The following LEPR variants were observed in gnomAD, a reference collection of about 807,000 sequenced individuals.
LEPR encodes the protein OB receptor.
A neutral mutation model predicts 114.7 loss-of-function variants in LEPR; 56 were observed. The observed-to-expected ratio is 0.49, with a 90% CI of 0.39 to 0.61. The LOEUF is 0.61. Among genes scored for constraint, LEPR ranks in the 20% least tolerant of loss-of-function variants. The pLI, the probability that LEPR is intolerant of heterozygous loss-of-function variation, is 0.00. For synonymous variants in LEPR, 443 were observed against 461.4 expected (o/e 0.96, Z 0.51); for missense variants, 1,202 against 1,352.9 (o/e 0.89, Z 1.75).
At chr1:65,444,391 C>A (rs1462335890) in intron 2 of LEPR, among the ~76,000 whole-genome samples, 1 of 152,104 alleles carries the variant, frequency 6.6e-6, no homozygotes, top group African/African-American at 2.4e-5. Flanking sequence ...GACCCTATTT[C>A]TTTCTGTAGC....
chr1:65,461,758 A>C (rs1646949095), intron 2 of LEPR, among the ~76,000 whole-genome samples: 1 of 152,182 alleles, frequency 6.6e-6, no homozygotes, highest in African/African-American at 2.4e-5. Flanking sequence ...AACTAACTTC[A>C]TAGTGGAAAA....
intron 2 of LEPR, among the ~76,000 whole-genome samples, chr1:65,515,471 T>C (rs1219155107): frequency 6.6e-6 from 1 of 152,206 alleles, no homozygotes; most frequent in African/African-American, 2.4e-5. Flanking sequence ...TCTCTAAACA[T>C]CTCATATTTA....
At position 65,592,809 on chromosome 1, in the gene LEPR, C is replaced by T; in HGVS notation, c.647C>T (p.Thr216Ile). The change falls in exon 6 of 20, where the codon ACA becomes ATA. Residue 216 changes from threonine (T) to isoleucine (I), a missense_variant. Thr to Ile is a moderately conservative substitution (Grantham distance 89). Transcript: ENST00000349533. ...ACTCTCCTTATGTGTTTGAAAATCA[C>T]ATCTGGTGGAGTAATTTTCCAGTCA... ...NDTLLMCLKI[T>I]SGGVIFQSPL... The T allele has an allele frequency of 6.2e-7, 1 of 1,613,298 alleles. No individual in the cohort carries two copies. The highest frequency in any genetic ancestry group is 8.5e-7 in the Non-Finnish European group (1 of 1,179,424).
At chr1:65,496,865 G>T (rs1297295339) in intron 2 of LEPR, among the ~76,000 whole-genome samples, 1 of 152,096 alleles carries the variant, frequency 6.6e-6, no homozygotes, top group Non-Finnish European at 1.5e-5. Flanking sequence ...CCTGGGAGCT[G>T]CTTAGAAATG....
intron 2 of LEPR, chr1:65,433,618 C>T (rs772539970): frequency 1.1e-4 from 106 of 985,174 alleles, no homozygotes; most frequent in Non-Finnish European, 1.2e-4. Flanking sequence ...TAATGTGCAA[C>T]GTTATTTTTT....
At position 65,570,745 on chromosome 1, in the gene LEPR, A is replaced by G; in HGVS notation, c.313A>G (p.Asn105Asp). ...TAGAAACTGCTCCTTATGTGCAGAC[A>G]ACATTGAAGGAAAGACATTTGTTTC... The part of the protein sequence containing the change: ...QDRNCSLCAD[N>D]IEGKTFVSTV... The change falls in exon 4 of 20, where the codon AAC (asparagine) becomes GAC (aspartate). Residue 105 changes from asparagine to aspartate, a missense_variant. Coordinates refer to ENST00000349533, the MANE Select transcript of LEPR (RefSeq NM_002303.6). 1 of 1,592,444 alleles carries G rather than the reference A, an allele frequency of 6.3e-7. No individual in the cohort carries two copies. Among genetic ancestry groups the G allele is most frequent in the Non-Finnish European group, 8.6e-7 (1 of 1,167,614 alleles).
intron 11 of LEPR, 142 bp downstream of exon 11, chr1:65,605,379 A>C: frequency 9.6e-7 from 1 of 1,037,188 alleles, no homozygotes; most frequent in East Asian, 2.5e-5. Flanking sequence ...GGTATTGAGA[A>C]AATCAGCCTT....
chr1:65,633,459 C>T lies in LEPR; in HGVS notation c.2674-2732C>T. 1 of 1,229,592 alleles carries T rather than the reference C, an allele frequency of 8.1e-7. No individual in the cohort carries two copies. The highest frequency in any genetic ancestry group is 1.0e-6 in the Non-Finnish European group (1 of 984,180). The allele number at this position is 1,229,592 out of a possible 1,614,324, so 76.2% of individuals were successfully genotyped here. On this transcript the variant is annotated intron_variant, in intron 19 of 19. Coordinates refer to ENST00000349533, the MANE Select transcript of LEPR (RefSeq NM_002303.6). The surrounding 1 kb of genome is among the most constrained non-coding windows in gnomAD (Gnocchi z 4.1). ...TTTCTGGCTTTTGATTTGTCATATTCCTGGTCATAAAACATTAAGAAAATT... is the reference window on the plus strand; with the variant it reads ...TTTCTGGCTTTTGATTTGTCATATTTCTGGTCATAAAACATTAAGAAAATT...
Position 65,588,223 on chromosome 1 carries a change from G to T in LEPR, c.495-4434G>T, listed in dbSNP as rs575445148. 5.9e-5 allele frequency among the ~76,000 whole-genome samples: 9 copies of T among 151,984 alleles called. No individual in the cohort carries two copies. In the South Asian group the frequency reaches 8.3e-4, roughly 14 times the overall value. ...GATTTATAAAAAATCTAGTAAGTAA[G>T]AAATAACAACTGTCTGTTCTTGGTT... is the stretch of plus-strand genomic sequence containing the variant. On this transcript the variant is annotated intron_variant, in intron 5 of 19. Coordinates refer to ENST00000349533, the MANE Select transcript of LEPR (RefSeq NM_002303.6).
chr1:65,550,381 C>G (rs1211166704), intron 2 of LEPR, among the ~76,000 whole-genome samples: 1 of 152,194 alleles, frequency 6.6e-6, no homozygotes, highest in Non-Finnish European at 1.5e-5. Flanking sequence ...GCAGAGGTTA[C>G]TGCTGTCTTT....
At chr1:65,604,135 G>A (rs1028584935) in intron 10 of LEPR, among the ~76,000 whole-genome samples, 6 of 151,864 alleles carry the variant, frequency 4.0e-5, no homozygotes, top group African/African-American at 1.5e-4. Context: ...TGTAGGTTCT[G>A]TCTCTAACTG....
chr1:65,444,855 A>G (rs1206640715), intron 2 of LEPR, among the ~76,000 whole-genome samples: 3 of 152,220 alleles, frequency 2.0e-5, no homozygotes, highest in Admixed American at 1.3e-4. Context: ...AACTGTGTCA[A>G]TTAGGTCCAT....
At chr1:65,457,127 C>T (rs1485809023) in intron 2 of LEPR, among the ~76,000 whole-genome samples, 1 of 152,072 alleles carries the variant, frequency 6.6e-6, no homozygotes, top group Non-Finnish European at 1.5e-5. Context: ...TCCCTTGTGT[C>T]AATGCTGTTA....
chr1:65,517,057 T>G (rs1450537655), intron 2 of LEPR, among the ~76,000 whole-genome samples: 2 of 152,188 alleles, frequency 1.3e-5, no homozygotes, highest in Admixed American at 6.5e-5. Context: ...TCTCCCATGG[T>G]TTTTAGATGG....
In LEPR at chr1:65,509,902, A is replaced by G. The variant is rs1648946054; in HGVS notation, c.-20-55644A>G. 2.0e-5 allele frequency among the ~76,000 whole-genome samples: 3 copies of G among 152,320 alleles called. No individual in the cohort carries two copies. The South Asian group carries it at 6.2e-4, about 32-fold the overall frequency. The stretch of plus-strand genomic sequence containing the variant: ...TCATAAAGAGGAGTTTTTCTTTACC[A>G]TTACAATCCAAACACAAGCTGTCGT... On this transcript the variant is annotated intron_variant, in intron 2 of 19. Coordinates refer to ENST00000349533, the MANE Select transcript of LEPR (RefSeq NM_002303.6).
At chr1:65,438,161 C>T (rs978079605) in intron 2 of LEPR, among the ~76,000 whole-genome samples, 4 of 124,842 alleles carry the variant, frequency 3.2e-5, no homozygotes, top group Non-Finnish European at 4.8e-5. Flanking sequence ...TGAGGTTTGG[C>T]ATTTATTGCT....
chr1:65,549,877 A>T (rs971641320), intron 2 of LEPR, among the ~76,000 whole-genome samples: 44 of 152,092 alleles, frequency 2.9e-4, no homozygotes, highest in Non-Finnish European at 5.4e-4. Flanking sequence ...CCTTTGGAGG[A>T]GGAGAGGCGC....
At chr1:65,441,580 T>C (rs1646649529) in intron 2 of LEPR, among the ~76,000 whole-genome samples, 1 of 152,160 alleles carries the variant, frequency 6.6e-6, no homozygotes, top group Non-Finnish European at 1.5e-5. Context: ...GATAAGCCAT[T>C]TGAGTGTTAA....
intron 2 of LEPR, 58 bp from the exon 3 acceptor site, chr1:65,565,488 T>TTA (rs534446957): frequency 2.3e-4 from 361 of 1,547,352 alleles, no homozygotes; most frequent in Middle Eastern, 1.7e-3. Flanking sequence ...CACAGACAAC[T>TTA]TATATATATG....
Sources: gnomAD v4.1 joint callset for allele counts (sites outside exome capture counted in the v4.1 genomes callset) on GRCh38, gnomAD v4.1.1 for gene constraint, Gnocchi (gnomAD v3.1) non-coding constraint, MANE v1.5 for transcripts, NCBI Gene and HGNC (gene_info 2026-07-23, HGNC 2026-07-21) for gene names.